CACNG4: variants seen among roughly 807,000 people sequenced by gnomAD.
CACNG4 encodes the protein calcium voltage-gated channel auxiliary subunit gamma 4.
In CACNG4, 8 loss-of-function variants were observed where a neutral mutation model predicts 22.9. The observed-to-expected ratio is 0.35, with a 90% CI of 0.21 to 0.63. The LOEUF (loss-of-function observed/expected upper bound fraction) is 0.63, where lower values mean the gene tolerates loss of function less well. CACNG4 is among the 30% of genes least tolerant of loss of function. The pLI, the probability that CACNG4 is intolerant of heterozygous loss-of-function variation, is 0.72. For missense variants in CACNG4, 357 were observed against 455.4 expected, an observed-to-expected ratio of 0.78 and a Z score of 1.97; for synonymous variants, 188 against 191.9, an observed-to-expected ratio of 0.98 and a Z score of 0.17.
rs762325305 is a variant in CACNG4, at chr17:67,027,232, T to C, written c.445+2232T>C. On this transcript the variant is annotated intron_variant, in intron 3 of 3. Transcript: ENST00000262138. This position sits in a 1 kb window ranked among gnomAD's most constrained non-coding sequence, Gnocchi z 4.3. ...CTCCAAAGCCCTTCGAGGTGCCCCC[T>C]GCAGCTGCCCGTGCCCCCAGGAGGA... Among the ~76,000 whole-genome samples the C allele has an allele frequency of 4.5e-4, 68 of 152,186 alleles. No homozygotes were observed. Among genetic ancestry groups the C allele is most frequent in the Non-Finnish European group, 8.8e-4 (60 of 68,030 alleles).
intron 1 of CACNG4, among the ~76,000 whole-genome samples, chr17:67,015,697 T>G (rs1340930897): frequency 1.3e-5 from 2 of 152,234 alleles, no homozygotes; most frequent in Non-Finnish European, 2.9e-5. Context: ...CTTAGCAGCC[T>G]GCCGCTGCAG....
Position 67,027,522 on chromosome 17 carries a change from T to C in CACNG4, c.445+2522T>C, listed in dbSNP as rs752915721. Among the ~76,000 whole-genome samples the C allele has an allele frequency of 1.3e-5, 2 of 152,142 alleles. No homozygotes were observed. The highest frequency in any genetic ancestry group is 2.9e-5 in the Non-Finnish European group (2 of 68,024). ...GCCCTAGCAGGGAGGTCTGACAGGCTCTTAAAGAACTCGAGGTGGAAAATG... is the reference window on the plus strand; with the variant it reads ...GCCCTAGCAGGGAGGTCTGACAGGCCCTTAAAGAACTCGAGGTGGAAAATG... On this transcript the variant is annotated intron_variant, in intron 3 of 3. Transcript: ENST00000262138. This position sits in a 1 kb window ranked among gnomAD's most constrained non-coding sequence, Gnocchi z 4.3.
chr17:66,965,066 C>T lies in CACNG4; in HGVS notation c.155C>T (p.Pro52Leu), dbSNP rs751958946. ...ACCAACCTGACCATGGACGACGGGC[C>T]CCCGCCCCGCCGCGCCCGCGGCGAC... Reference protein sequence around the residue: ...NGTNLTMDDGPPPRRARGDLT... With the variant: ...NGTNLTMDDGLPPRRARGDLT... Residue 52 changes from proline (P) to leucine (L), a missense_variant, in exon 1 of 4, where the codon CCC becomes CTC. Physicochemically the swap from Pro to Leu is moderately conservative, Grantham distance 98. Transcript: ENST00000262138. The T allele has an allele frequency of 3.8e-6, 6 of 1,590,420 alleles. No individual in the cohort carries two copies. Among genetic ancestry groups the T allele is most frequent in the South Asian group, 1.1e-5 (1 of 89,486 alleles).
intron 1 of CACNG4, among the ~76,000 whole-genome samples, chr17:67,010,628 A>G (rs953692135): frequency 5.2e-4 from 79 of 152,072 alleles, no homozygotes; most frequent in African/African-American, 1.9e-3. Context: ...GAGCTCTTTC[A>G]TGCCCCCATC....
chr17:66,972,421 C>A (rs1328138198), intron 1 of CACNG4, among the ~76,000 whole-genome samples: 1 of 152,192 alleles, frequency 6.6e-6, no homozygotes, highest in African/African-American at 2.4e-5. Flanking sequence ...CCTGGCCTCC[C>A]CGCACTGGAA....
At chr17:67,020,164 A>G (rs1171461301) in intron 2 of CACNG4, 1 of 152,470 alleles carries the variant, frequency 6.6e-6, no homozygotes, top group African/African-American at 2.4e-5. Context: ...CTTCACCTGC[A>G]GCTGGGCAGA....
chr17:67,016,347 C>A (rs1267747247), intron 1 of CACNG4, among the ~76,000 whole-genome samples: 1 of 152,188 alleles, frequency 6.6e-6, no homozygotes, highest in Non-Finnish European at 1.5e-5. Context: ...TGCCCCCCAC[C>A]GCTGGCCCCC....
At chr17:67,028,700 GT>G (rs2035583818) in intron 3 of CACNG4, among the ~76,000 whole-genome samples, 1 of 152,366 alleles carries the variant, frequency 6.6e-6, no homozygotes, top group East Asian at 1.9e-4. Flanking sequence ...GTGGACCACA[GT>G]TACTCCCACT....
intron 3 of CACNG4, among the ~76,000 whole-genome samples, chr17:67,026,523 G>C (rs565909704): frequency 3.5e-4 from 41 of 116,744 alleles, no homozygotes; most frequent in African/African-American, 1.7e-3. Flanking sequence ...GTGTATTTGA[G>C]GACTGTGGGG....
intron 3 of CACNG4, among the ~76,000 whole-genome samples, chr17:67,026,726 T>G (rs2035570033): frequency 6.6e-6 from 1 of 150,908 alleles, no homozygotes; most frequent in African/African-American, 2.4e-5. Context: ...GAGTGTGTGT[T>G]GAGGACTGTG....
chr17:67,023,845 G>A (rs567726368), intron 2 of CACNG4, among the ~76,000 whole-genome samples: 233 of 152,320 alleles, frequency 1.5e-3, no homozygotes, highest in African/African-American at 5.2e-3. Context: ...CCAAAGTGCT[G>A]GGATTACAGG....
intron 1 of CACNG4, among the ~76,000 whole-genome samples, chr17:67,001,211 G>A (rs951304258): frequency 6.6e-6 from 1 of 152,128 alleles, no homozygotes; most frequent in Non-Finnish European, 1.5e-5. Flanking sequence ...ATGATTGTGA[G>A]GGCTCCCGGC....
chr17:66,969,551 T>G (rs2035191523), intron 1 of CACNG4, among the ~76,000 whole-genome samples: 1 of 152,164 alleles, frequency 6.6e-6, no homozygotes, highest in African/African-American at 2.4e-5. Context: ...GTGTCTCACC[T>G]GGGCAGCATC....
At chr17:66,965,191 C>CACAT (rs1555575232) in intron 1 of CACNG4, 60 bp downstream of exon 1, 5 of 979,032 alleles carry the variant, frequency 5.1e-6, no homozygotes, top group Admixed American at 6.0e-5. Context: ...CACACATATA[C>CACAT]ACACGCGCGC....
At chr17:66,995,863 G>T (rs894895724) in intron 1 of CACNG4, among the ~76,000 whole-genome samples, 1 of 151,964 alleles carries the variant, frequency 6.6e-6, no homozygotes, top group African/African-American at 2.4e-5. Flanking sequence ...AAAAAAATGG[G>T]ATCTATAGAG....
intron 1 of CACNG4, among the ~76,000 whole-genome samples, chr17:67,001,720 G>A (rs1675214294): frequency 6.6e-6 from 1 of 152,266 alleles, no homozygotes; most frequent in African/African-American, 2.4e-5. Context: ...GTCTGCAGCT[G>A]CTCTTCCAGG....
chr17:67,001,905 G>A (rs1371928340), intron 1 of CACNG4, among the ~76,000 whole-genome samples: 1 of 152,224 alleles, frequency 6.6e-6, no homozygotes, highest in Admixed American at 6.5e-5. Flanking sequence ...TGGACACCAG[G>A]TGTGACTGAT....
At chr17:67,008,897 C>G (rs779145502) in intron 1 of CACNG4, among the ~76,000 whole-genome samples, 1 of 151,946 alleles carries the variant, frequency 6.6e-6, no homozygotes, top group Non-Finnish European at 1.5e-5. Context: ...TGCAGTGAGC[C>G]GAGATCGCGC....
intron 1 of CACNG4, among the ~76,000 whole-genome samples, chr17:66,992,225 CACCCTCAGTG>C (rs1339233874): frequency 6.6e-6 from 1 of 152,042 alleles, no homozygotes; most frequent in African/African-American, 2.4e-5. Context: ...ACCAAGTCAG[CACCCTCAGTG>C]AATGTTTGCT....
Sources: gnomAD v4.1 joint callset for allele counts (sites outside exome capture counted in the v4.1 genomes callset) on GRCh38, gnomAD v4.1.1 for gene constraint, Gnocchi (gnomAD v3.1) non-coding constraint, MANE v1.5 for transcripts, NCBI Gene and HGNC (gene_info 2026-07-23, HGNC 2026-07-21) for gene names.